Variants in UMAD1 observed in about 807,000 individuals in gnomAD.
The protein encoded by UMAD1 is UBAP1-MVB12-associated (UMA) domain containing 1.
A neutral mutation model predicts 6.1 loss-of-function variants in UMAD1; 8 were observed. The observed-to-expected ratio is 1.30, with a 90% CI of 0.76 to 2.35. The LOEUF (loss-of-function observed/expected upper bound fraction) is 2.35. Among genes scored for constraint, UMAD1 ranks in the 30% most tolerant of loss-of-function variants. The pLI, the probability that UMAD1 is intolerant of heterozygous loss-of-function variation, is 0.00. For synonymous variants in UMAD1, 56 were observed against 31.4 expected, an observed-to-expected ratio of 1.78 and a Z score of -2.61; for missense variants, 130 against 78.4, an observed-to-expected ratio of 1.66 and a Z score of -2.49.
At chr7:7,862,540 A>T (rs6463730) in intron 3 of UMAD1, among the ~76,000 whole-genome samples, 4 of 151,996 alleles carry the variant, frequency 2.6e-5, no homozygotes, top group Non-Finnish European at 5.9e-5. Flanking sequence ...AAGGGATATC[A>T]AGTTCTTCAG....
chr7:7,819,163 T>C (rs1783193841), intron 3 of UMAD1, among the ~76,000 whole-genome samples: 1 of 152,192 alleles, frequency 6.6e-6, no homozygotes, highest in Non-Finnish European at 1.5e-5. Flanking sequence ...TCCTCTTATT[T>C]TTAAGCAGTG....
At chr7:7,688,949 A>C (rs1780105266) in intron 2 of UMAD1, among the ~76,000 whole-genome samples, 1 of 152,154 alleles carries the variant, frequency 6.6e-6, no homozygotes, top group Non-Finnish European at 1.5e-5. Context: ...TATTACTTGG[A>C]TTTAAATTAT....
chr7:7,829,121 C>G (rs1473213), intron 3 of UMAD1, among the ~76,000 whole-genome samples: 121,175 of 152,190 alleles, frequency 0.8, 48,349 homozygotes, highest in African/African-American at 0.84. Flanking sequence ...GCAGTTCTTA[C>G]CACTGGCATT....
intron 2 of UMAD1, among the ~76,000 whole-genome samples, chr7:7,711,581 T>G (rs1303243497): frequency 1.3e-5 from 2 of 152,182 alleles, no homozygotes; most frequent in Non-Finnish European, 2.9e-5. Flanking sequence ...TGTTTTTAAT[T>G]TACATTTTCT....
chr7:7,825,546 A>G (rs1009160227), intron 3 of UMAD1, among the ~76,000 whole-genome samples: 8 of 152,100 alleles, frequency 5.3e-5, no homozygotes, highest in African/African-American at 1.9e-4. Flanking sequence ...CCATTTTTAA[A>G]ACCATCAGAT....
chr7:7,741,506 G>A (rs973177008), intron 2 of UMAD1, among the ~76,000 whole-genome samples: 3 of 151,250 alleles, frequency 2.0e-5, no homozygotes, highest in African/African-American at 7.3e-5. Flanking sequence ...GAACCCAGGA[G>A]GCGGAGTTTG....
At chr7:7,750,849 G>A (rs1781664854) in intron 2 of UMAD1, among the ~76,000 whole-genome samples, 1 of 152,146 alleles carries the variant, frequency 6.6e-6, no homozygotes, top group African/African-American at 2.4e-5. Context: ...TTTGGTGAAA[G>A]CAATAATTGT....
chr7:7,838,886 A>G (rs73361469), intron 3 of UMAD1, among the ~76,000 whole-genome samples: 2,886 of 152,310 alleles, frequency 0.019, 97 homozygotes, highest in African/African-American at 0.065. Context: ...GCTATCCGAT[A>G]TATTATTTAG....
At chr7:7,868,175 G>C (rs10244478) in intron 3 of UMAD1, among the ~76,000 whole-genome samples, 79,504 of 151,998 alleles carry the variant, frequency 0.52, 22,278 homozygotes, top group African/African-American at 0.72. Flanking sequence ...TTTCTATAAA[G>C]CAACTTTAAA....
Position 7,669,328 on chromosome 7 carries a change from G to A in UMAD1, c.-63-3981G>A, listed in dbSNP as rs112060009. Among the ~76,000 whole-genome samples, 306 of 152,180 alleles carry A rather than the reference G, an allele frequency of 2.0e-3. 1 individual carries two copies. The highest frequency in any genetic ancestry group is 7.9e-3 in the South Asian group (38 of 4,826). ...GTGGCATTTGTAGTTATTCCCCTTCGCCTTTCCAGTTACTAGTCTTAGGCA... is the reference window on the plus strand; with the variant it reads ...GTGGCATTTGTAGTTATTCCCCTTCACCTTTCCAGTTACTAGTCTTAGGCA... On this transcript the variant is annotated intron_variant, in intron 1 of 3. Transcript: ENST00000682710.
intron 2 of UMAD1, among the ~76,000 whole-genome samples, chr7:7,716,890 G>A (rs913458064): frequency 4.6e-5 from 7 of 152,216 alleles, no homozygotes; most frequent in African/African-American, 1.7e-4. Context: ...AGCATGCTAT[G>A]TAAATGGCAC....
At chr7:7,829,308 C>A (rs545924027) in intron 3 of UMAD1, among the ~76,000 whole-genome samples, 1 of 152,200 alleles carries the variant, frequency 6.6e-6, no homozygotes, top group Non-Finnish European at 1.5e-5. Context: ...GTGCTAAGAG[C>A]AATAACTCTC....
At chr7:7,673,814 T>C (rs569485561) in intron 2 of UMAD1, among the ~76,000 whole-genome samples, 2 of 152,294 alleles carry the variant, frequency 1.3e-5, no homozygotes, top group South Asian at 4.1e-4. Flanking sequence ...AATTAGCATC[T>C]GAAATTAAAT....
intron 2 of UMAD1, among the ~76,000 whole-genome samples, chr7:7,678,210 G>A (rs918961135): frequency 2.0e-5 from 3 of 151,726 alleles, no homozygotes; most frequent in African/African-American, 7.3e-5. Flanking sequence ...TGCCACCAGG[G>A]TATGAGGTCC....
At chr7:7,780,633 C>A (rs925792375) in intron 2 of UMAD1, among the ~76,000 whole-genome samples, 2 of 152,202 alleles carry the variant, frequency 1.3e-5, no homozygotes, top group African/African-American at 4.8e-5. Flanking sequence ...TCAGTCACTT[C>A]ATCCAACTTC....
intron 3 of UMAD1, among the ~76,000 whole-genome samples, chr7:7,862,053 G>T (rs1784127278): frequency 1.3e-5 from 2 of 151,966 alleles, no homozygotes; most frequent in South Asian, 4.2e-4. Context: ...TATGAGAATG[G>T]CAAATGTTCA....
chr7:7,678,606 GATAA>G (rs1166575942), intron 2 of UMAD1, among the ~76,000 whole-genome samples: 6 of 127,648 alleles, frequency 4.7e-5, no homozygotes, highest in Admixed American at 8.3e-5. Context: ...TTAATTTATA[GATAA>G]ATATATATTT....
At chr7:7,796,474 C>T (rs1782684077) in intron 2 of UMAD1, among the ~76,000 whole-genome samples, 1 of 152,044 alleles carries the variant, frequency 6.6e-6, no homozygotes, top group Admixed American at 6.5e-5. Flanking sequence ...TGGTTTCGAA[C>T]TCCCAACCTC....
rs538844655 is a variant in UMAD1, at chr7:7,713,986, C to T, written c.82+40533C>T. ...AGTAGCTGGGACTACAGGCATGTGCCACCACACCTGCCCCACACGTTTTTC... is the reference window on the plus strand; with the variant it reads ...AGTAGCTGGGACTACAGGCATGTGCTACCACACCTGCCCCACACGTTTTTC... On this transcript the variant is annotated intron_variant, in intron 2 of 3. Transcript: ENST00000682710. 2.0e-5 allele frequency among the ~76,000 whole-genome samples: 3 copies of T among 152,304 alleles called. No individual in the cohort carries two copies. The South Asian group carries it at 6.2e-4, about 32-fold the overall frequency.
Sources: allele counts gnomAD v4.1 joint callset (sites outside exome capture counted in the v4.1 genomes callset), GRCh38; gene constraint gnomAD v4.1.1; transcripts MANE v1.5; gene names NCBI Gene and HGNC (gene_info 2026-07-23, HGNC 2026-07-21).